OR8J3: variants seen among roughly 807,000 people sequenced by gnomAD.
The protein encoded by OR8J3 is olfactory receptor family 8 subfamily J member 3.
For synonymous variants in OR8J3, 170 were observed against 142.6 expected, an observed-to-expected ratio of 1.19 and a Z score of -1.37; for missense variants, 418 against 379.8, an observed-to-expected ratio of 1.10 and a Z score of -0.84.
At chr11:56,139,395 T>C (rs1035087711) in intron 1 of OR8J3, among the ~76,000 whole-genome samples, 1 of 152,100 alleles carries the variant, frequency 6.6e-6, no homozygotes, top group African/African-American at 2.4e-5. Context: ...CCAAAATGAC[T>C]CCTAACGTTG....
At position 56,136,982 on chromosome 11, in the gene OR8J3, A is replaced by G; in HGVS notation, c.737T>C (p.Ile246Thr). 6.2e-7 allele frequency: 1 copy of G among 1,613,668 alleles called. No homozygotes were observed. Among genetic ancestry groups the G allele is most frequent in the Non-Finnish European group, 8.5e-7 (1 of 1,179,900 alleles). The change falls in exon 2 of 2, where the codon ATA (isoleucine) becomes ACA (threonine). Residue 246 changes from isoleucine to threonine, a missense_variant. Ile to Thr is a moderately conservative substitution (Grantham distance 89, BLOSUM62 -1). Transcript: ENST00000642058. The part of the protein sequence containing the change: ...KAFSTCASHM[I>T]AVTVFYGTML... Reference sequence around the variant, plus strand: ...TGTCCCATAGAAAACCGTGACTGCTATCATATGCGAAGCGCAGGTGGAAAA... The same window carrying G: ...TGTCCCATAGAAAACCGTGACTGCTGTCATATGCGAAGCGCAGGTGGAAAA...
chr11:56,135,801 T>A lies in OR8J3; in HGVS notation c.*970A>T, dbSNP rs1854324594. ...ATATTCCTAAGTTTCAATGCCAGAA[T>A]CCCCATTGGCACTTTTAATATGAGT... On this transcript the variant is annotated 3_prime_UTR_variant, in exon 2 of 2. Coordinates refer to ENST00000642058, the MANE Select transcript of OR8J3 (RefSeq NM_001004064.2). The A allele has an allele frequency of 6.6e-6, 1 of 152,000 alleles. No homozygotes were observed. Among genetic ancestry groups the A allele is most frequent in the Non-Finnish European group, 1.5e-5 (1 of 67,892 alleles). 9.4% of individuals were successfully genotyped at this position (152,000 alleles called of 1,614,324 possible).
In OR8J3 at chr11:56,137,335, G is replaced by T. The variant is rs749422716; in HGVS notation, c.384C>A (p.Asn128Lys). The stretch of plus-strand genomic sequence containing the variant: ...ACACCACCACCATGTAGAGCAGAGG[G>T]TTACAAATGGCCACATAGCGGTCAT... ...MAYDRYVAIC[N>K]PLLYMVVVSR... Residue 128 changes from asparagine to lysine, a missense_variant, in exon 2 of 2, where the codon AAC (asparagine) becomes AAA (lysine). Transcript: ENST00000642058. 4 of 1,613,874 alleles carry T rather than the reference G, an allele frequency of 2.5e-6. No homozygotes were observed. Among genetic ancestry groups the T allele is most frequent in the African/African-American group, 2.7e-5 (2 of 74,852 alleles).
chr11:56,137,199 T>C lies in OR8J3; in HGVS notation c.520A>G (p.Ile174Val). 1 of 1,613,678 alleles carries C rather than the reference T, an allele frequency of 6.2e-7. No individual in the cohort carries two copies. The highest frequency in any genetic ancestry group is 1.1e-5 in the South Asian group (1 of 91,034). Residue 174 changes from isoleucine (I) to valine (V), a missense_variant, in exon 2 of 2, where the codon ATC becomes GTC. Physicochemically the swap from Ile to Val is conservative, Grantham distance 29 (BLOSUM62 3). Transcript: ENST00000642058. ...GCAATATCACAGTAAAAATGATTGA[T>C]TATATTAGAAGAGCAATAAGACACA... is the stretch of plus-strand genomic sequence containing the variant. ...FSVSYCSSNI[I>V]NHFYCDIAPL...
rs1002632427 is a variant in OR8J3, at chr11:56,138,119, A to G, written c.-401T>C. 5 of 176,972 alleles carry G rather than the reference A, an allele frequency of 2.8e-5. No homozygotes were observed. The highest frequency in any genetic ancestry group is 5.9e-5 in the Non-Finnish European group (5 of 84,130). The allele number at this position is 176,972 out of a possible 1,614,324, so 11.0% of individuals were successfully genotyped here. ...AAATTGTATATCGCCAAATAATCCA[A>G]TGGCTACTTGCAATTTCCTAATCTG... is the stretch of plus-strand genomic sequence containing the variant. On this transcript the variant is annotated 5_prime_UTR_variant, in exon 2 of 2. Coordinates refer to ENST00000642058, the MANE Select transcript of OR8J3 (RefSeq NM_001004064.2).
At chr11:56,139,131 T>G (rs1404595535) in intron 1 of OR8J3, among the ~76,000 whole-genome samples, 1 of 152,094 alleles carries the variant, frequency 6.6e-6, no homozygotes, top group Non-Finnish European at 1.5e-5. Flanking sequence ...CCTGTTGGAG[T>G]CACAATTGAT....
At chr11:56,138,635 A>C (rs2134686143) in intron 1 of OR8J3, 138 bp from the exon 2 acceptor site, 1 of 151,928 alleles carries the variant, frequency 6.6e-6, no homozygotes, top group Non-Finnish European at 1.5e-5. Flanking sequence ...AGATTGCGCC[A>C]GTGAGCCGAG....
intron 1 of OR8J3, among the ~76,000 whole-genome samples, chr11:56,139,675 G>C (rs543123384): frequency 6.2e-4 from 94 of 152,218 alleles, no homozygotes; most frequent in South Asian, 8.3e-4. Context: ...TAATATACTA[G>C]GATAACCTGG....
At chr11:56,140,069 G>A (rs1000875825) in intron 1 of OR8J3, 104 bp downstream of exon 1, 4 of 152,194 alleles carry the variant, frequency 2.6e-5, no homozygotes, top group African/African-American at 4.8e-5. Context: ...ATATTGCAAG[G>A]GAGGAAATAG....
chr11:56,137,772 T>C lies in OR8J3; in HGVS notation c.-54A>G, dbSNP rs1037069165. On this transcript the variant is annotated 5_prime_UTR_variant, in exon 2 of 2. The change abolishes the stop of an existing upstream ORF in the 5' untranslated region. Coordinates refer to ENST00000642058, the MANE Select transcript of OR8J3 (RefSeq NM_001004064.2). Reference sequence around the variant, plus strand: ...GGAAGAAAATAAGTGGTTATAGACGTTAAGGAATCATTTTCTAGGATTTCC... The same window carrying C: ...GGAAGAAAATAAGTGGTTATAGACGCTAAGGAATCATTTTCTAGGATTTCC... 4 of 1,421,038 alleles carry C rather than the reference T, an allele frequency of 2.8e-6. No homozygotes were observed. In the East Asian group the frequency reaches 9.2e-5, roughly 33 times the overall value. The allele number at this position is 1,421,038 out of a possible 1,614,324, so 88.0% of individuals were successfully genotyped here.
In OR8J3 at chr11:56,137,712, G is replaced by A. The variant is rs773784505; in HGVS notation, c.7C>T (p.Pro3Ser). ...TCAGTGACCCTGGTGAAATTTTCAG[G>A]AGCCATGTCAGAGTTTGGAAATTCA... MA[P>S]ENFTRVTEFI... is the part of the protein sequence containing the mutation. Residue 3 changes from proline to serine, a missense_variant, in exon 2 of 2, where the codon CCT becomes TCT. By Grantham distance (74) the Pro-to-Ser change is moderately conservative. Coordinates refer to ENST00000642058, the MANE Select transcript of OR8J3 (RefSeq NM_001004064.2). 5.0e-6 allele frequency: 8 copies of A among 1,597,228 alleles called. 1 individual carries two copies. In the South Asian group the frequency reaches 5.7e-5, roughly 11 times the overall value.
chr11:56,138,542 G>A (rs1854358337), intron 1 of OR8J3, 45 bp from the exon 2 acceptor site: 1 of 152,118 alleles, frequency 6.6e-6, no homozygotes, highest in Non-Finnish European at 1.5e-5. Flanking sequence ...GTGCGTCGTG[G>A]CGGGCGCCTG....
rs1334711609 is a variant in OR8J3 at position 56,137,616 on chromosome 11, A to G, written c.103T>C (p.Tyr35His). The G allele has an allele frequency of 6.2e-7, 1 of 1,614,234 alleles. No homozygotes were observed. Among genetic ancestry groups the G allele is most frequent in the South Asian group, 1.1e-5 (1 of 91,086 alleles). Residue 35 changes from tyrosine (Y) to histidine (H), a missense_variant, in exon 2 of 2, where the codon TAT becomes CAT. Physicochemically the swap from Tyr to His is moderately conservative, Grantham distance 83. Coordinates refer to ENST00000642058, the MANE Select transcript of OR8J3 (RefSeq NM_001004064.2). The part of the protein sequence containing the change: ...IPLFLVFLVL[Y>H]VLTMAGNLGI... The stretch of plus-strand genomic sequence containing the variant: ...AGGTTCCCTGCCATGGTCAGCACAT[A>G]GAGCACTAGGAAGACCAGGAAGAGG...
chr11:56,136,990 C>T lies in OR8J3; in HGVS notation c.729G>A (p.Ser243=), dbSNP rs774862778. 1.5e-5 allele frequency: 25 copies of T among 1,613,194 alleles called. No individual in the cohort carries two copies. Among genetic ancestry groups the T allele is most frequent in the African/African-American group, 6.7e-5 (5 of 74,850 alleles). The change falls in exon 2 of 2, where the codon TCG becomes TCA. Residue 243 remains serine (S), a synonymous_variant. Transcript: ENST00000642058. Reference sequence around the variant, plus strand: ...AGAAAACCGTGACTGCTATCATATGCGAAGCGCAGGTGGAAAAGGCTTTTT... The same window carrying T: ...AGAAAACCGTGACTGCTATCATATGTGAAGCGCAGGTGGAAAAGGCTTTTT... ...GRKKAFSTCA[S]HMIAVTVFYG...
chr11:56,136,185 T>C lies in OR8J3; in HGVS notation c.*586A>G, dbSNP rs1854328683. ...GTAGTCTGAGCATTTTATTTAAAAA[T>C]TGCAGAAAATATATTAGTTGGAATA... On this transcript the variant is annotated 3_prime_UTR_variant, in exon 2 of 2. Transcript: ENST00000642058. 1 of 152,018 alleles carries C rather than the reference T, an allele frequency of 6.6e-6. No homozygotes were observed. The highest frequency in any genetic ancestry group is 2.4e-5 in the African/African-American group (1 of 41,420). The allele number at this position is 152,018 out of a possible 1,614,324, so 9.4% of individuals were successfully genotyped here.
chr11:56,139,349 A>C (rs1353548477), intron 1 of OR8J3, among the ~76,000 whole-genome samples: 1 of 136,294 alleles, frequency 7.3e-6, no homozygotes, highest in Non-Finnish European at 1.7e-5. Flanking sequence ...AAAATAAAGA[A>C]GTGACTACTT....
rs1854323106 is a variant in OR8J3, at chr11:56,135,607, C to T, written c.*1164G>A. 1 of 151,778 alleles carries T rather than the reference C, an allele frequency of 6.6e-6. No individual in the cohort carries two copies. Among genetic ancestry groups the T allele is most frequent in the Admixed American group, 6.6e-5 (1 of 15,240 alleles). The allele number at this position is 151,778 out of a possible 1,614,324, so 9.4% of individuals were successfully genotyped here. ...CATATCATAATTATTCATACCATAT[C>T]ATAATTATTCATAATTATTCATGAC... On this transcript the variant is annotated 3_prime_UTR_variant, in exon 2 of 2. Coordinates refer to ENST00000642058, the MANE Select transcript of OR8J3 (RefSeq NM_001004064.2).
Position 56,137,666 on chromosome 11 carries a change from G to A in OR8J3, c.53C>T (p.Ser18Phe). The A allele has an allele frequency of 1.2e-6, 2 of 1,613,066 alleles. No individual in the cohort carries two copies. Among genetic ancestry groups the A allele is most frequent in the Non-Finnish European group, 1.7e-6 (2 of 1,179,662 alleles). ...GGGAATCTGGAGCTCTGGACAGCTA[G>A]AGACACCTGTGAGAATAAACTCAGT... is the stretch of plus-strand genomic sequence containing the variant. ...RVTEFILTGVSSCPELQIPLF... is the reference protein window; with the variant it reads ...RVTEFILTGVFSCPELQIPLF... The change falls in exon 2 of 2, where the codon TCT (serine) becomes TTT (phenylalanine). Residue 18 changes from serine to phenylalanine, a missense_variant. Ser to Phe is a radical substitution (Grantham distance 155). Coordinates refer to ENST00000642058, the MANE Select transcript of OR8J3 (RefSeq NM_001004064.2).
chr11:56,136,736 G>C lies in OR8J3; in HGVS notation c.*35C>G. Reference sequence around the variant, plus strand: ...TCTCTTACATAATGGCAGGTTACATGAACTATCTCTTCATTTATTTATAGA... The same window carrying C: ...TCTCTTACATAATGGCAGGTTACATCAACTATCTCTTCATTTATTTATAGA... On this transcript the variant is annotated 3_prime_UTR_variant, in exon 2 of 2. Coordinates refer to ENST00000642058, the MANE Select transcript of OR8J3 (RefSeq NM_001004064.2). 8.3e-7 allele frequency: 1 copy of C among 1,201,912 alleles called. No homozygotes were observed. The highest frequency in any genetic ancestry group is 1.6e-5 in the South Asian group (1 of 63,956). 74.5% of individuals were successfully genotyped at this position (1,201,912 alleles called of 1,614,324 possible).
Sources: allele counts gnomAD v4.1 joint callset (sites outside exome capture counted in the v4.1 genomes callset), GRCh38; gene constraint gnomAD v4.1.1; transcripts MANE v1.5; gene names NCBI Gene and HGNC (gene_info 2026-07-23, HGNC 2026-07-21).